Variants in HRNR observed in about 807,000 individuals in gnomAD.
HRNR encodes the protein filaggrin family member 3.
HRNR carries 7 observed loss-of-function variants against 4.8 expected under a neutral mutation model. The ratio of observed to expected loss-of-function variants is 1.47; its 90% CI spans 0.83 to 2.75. The LOEUF (loss-of-function observed/expected upper bound fraction) is 2.75. Ranked by LOEUF, HRNR falls within the 30% of genes most tolerant of loss-of-function variation. HRNR has a pLI of 0.00. For synonymous variants in HRNR, 1,023 were observed against 1,242.7 expected (o/e 0.82, Z 3.72); for missense variants, 2,879 against 3,010.4 (o/e 0.96, Z 1.02).
intron 2 of HRNR, among the ~76,000 whole-genome samples, chr1:152,222,144 A>G (rs953518002): frequency 3.9e-5 from 6 of 152,186 alleles, no homozygotes; most frequent in Admixed American, 1.3e-4. Flanking sequence ...AGAGAAGGGG[A>G]AAAGATTGTT....
rs60458005 is a variant in HRNR at position 152,219,829 on chromosome 1, G to T, written c.1800C>A (p.His600Gln). Residue 600 changes from histidine (H) to glutamine (Q), a missense_variant, in exon 3 of 3, where the codon CAC (histidine) becomes CAA (glutamine). His to Gln is a conservative substitution (Grantham distance 24). Around this residue, in one of 8 missense-constraint regions of HRNR, gnomAD observed 2,646 missense variants for 1,377.7 expected, o/e 1.92. Coordinates refer to ENST00000368801, the MANE Select transcript of HRNR (RefSeq NM_001009931.3). ...RSGQSSGYGQ[H>Q]GSSSGHSSTH... ...TAGAGGAATGACCCGAGCTAGATCC[G>T]TGTTGACCGTAGCCAGAGGACTGTC... is the stretch of plus-strand genomic sequence containing the variant. 1.4e-5 allele frequency: 22 copies of T among 1,611,728 alleles called. No individual in the cohort carries two copies. Among genetic ancestry groups the T allele is most frequent in the East Asian group, 2.2e-5 (1 of 44,702 alleles).
chr1:152,212,145 C>G lies in HRNR; in HGVS notation c.*931G>C, dbSNP rs1648407048. On this transcript the variant is annotated 3_prime_UTR_variant, in exon 3 of 3. Coordinates refer to ENST00000368801, the MANE Select transcript of HRNR (RefSeq NM_001009931.3). The stretch of plus-strand genomic sequence containing the variant: ...GTTGTTTGAATCCAAAGACTTGAAA[C>G]AAATGTGTTACAGTCAAATTAAGGA... 1 of 152,144 alleles carries G rather than the reference C, an allele frequency of 6.6e-6. No homozygotes were observed. The highest frequency in any genetic ancestry group is 6.5e-5 in the Admixed American group (1 of 15,276). The allele number at this position is 152,144 out of a possible 1,614,324, so 9.4% of individuals were successfully genotyped here. A position where few individuals can be genotyped will look rare whatever the true frequency, so the allele number is the denominator to read the frequency against.
At position 152,218,911 on chromosome 1, in the gene HRNR, A is replaced by G. The variant is rs144929567; in HGVS notation, c.2718T>C (p.Tyr906=). 2.4e-3 allele frequency: 3,810 copies of G among 1,611,706 alleles called. 81 individuals are homozygous for G. The African/African-American group carries it at 0.036, about 15-fold the overall frequency. The change falls in exon 3 of 3, where the codon TAT becomes TAC. Residue 906 remains tyrosine, a synonymous_variant. Transcript: ENST00000368801. The stretch of plus-strand genomic sequence containing the variant: ...GACCGGAGCCAGACCCATGTCGGCC[A>G]TAGCTGGGAGACTGCCCTGACCCAG... ...RGSGSGQSPS[Y]GRHGSGSGRS... is the part of the protein sequence containing the mutation.
Position 152,218,150 on chromosome 1 carries a change from C to G in HRNR, c.3479G>C (p.Gly1160Ala). The G allele has an allele frequency of 3.2e-6, 3 of 946,956 alleles. No homozygotes were observed. The highest frequency in any genetic ancestry group is 3.2e-6 in the Non-Finnish European group (2 of 629,370). The allele number at this position is 946,956 out of a possible 1,614,324, so 58.7% of individuals were successfully genotyped here. A position where few individuals can be genotyped will look rare whatever the true frequency, so the allele number is the denominator to read the frequency against. Reference protein sequence around the residue: ...RSSSSGQHGSGLGESSGFGHH... With the variant: ...RSSSSGQHGSALGESSGFGHH... ...ACCAAAGCCAGAAGACTCGCCTAAGCCAGACCCATGTTGGCCACTGCTGGA... is the reference window on the plus strand; with the variant it reads ...ACCAAAGCCAGAAGACTCGCCTAAGGCAGACCCATGTTGGCCACTGCTGGA... The change falls in exon 3 of 3, where the codon GGC (glycine) becomes GCC (alanine). Residue 1160 changes from glycine to alanine, a missense_variant. Transcript: ENST00000368801.
chr1:152,213,088 G>T lies in HRNR; in HGVS notation c.8541C>A (p.Tyr2847Ter). The T allele has an allele frequency of 6.2e-7, 1 of 1,612,518 alleles. No individual in the cohort carries two copies. Among genetic ancestry groups the T allele is most frequent in the South Asian group, 1.1e-5 (1 of 90,870 alleles). The change falls in exon 3 of 3, where the codon TAC becomes TAA. Residue 2847 changes from tyrosine to a stop codon, truncating the protein, a stop_gained. Transcript: ENST00000368801. LOFTEE classifies it high-confidence loss of function. ...TTATGTTTATTATTCACTGATAAAA[G>T]TAGCACCTCTGCTCTTGGACATATT... Reference protein sequence around the residue: ...PYEYVQEQRCYFYQ With the variant: ...PYEYVQEQRC
Position 152,218,463 on chromosome 1 carries a change from G to C in HRNR, c.3166C>G (p.Arg1056Gly), listed in dbSNP as rs754017592. ...CCGTAGCCAGAGGACTGTCCTGAGC[G>C]AGACTCTCGGTGACCTAAGCCAGAA... ...HSSGLGHRESRSGQSSGYGQH... is the reference protein window; with the variant it reads ...HSSGLGHRESGSGQSSGYGQH... Residue 1056 changes from arginine to glycine, a missense_variant, in exon 3 of 3, where the codon CGC becomes GGC. Physicochemically the swap from Arg to Gly is moderately radical, Grantham distance 125. This residue lies in a region of HRNR where 2,646 missense variants were observed against 1,377.7 expected (regional missense o/e 1.92). Transcript: ENST00000368801. 6 of 1,612,884 alleles carry C rather than the reference G, an allele frequency of 3.7e-6. No homozygotes were observed. The highest frequency in any genetic ancestry group is 4.2e-6 in the Non-Finnish European group (5 of 1,179,858).
rs1648599387 is a variant in HRNR, at chr1:152,215,589, A to T, written c.6040T>A (p.Ser2014Thr). 3 of 1,571,498 alleles carry T rather than the reference A, an allele frequency of 1.9e-6. No individual in the cohort carries two copies. The African/African-American group carries it at 4.3e-5, about 23-fold the overall frequency. ...GQHGSSSGHSSTHGQHGSASG... is the reference protein window; with the variant it reads ...GQHGSSSGHSTTHGQHGSASG... Reference sequence around the variant, plus strand: ...GCAGAACCATGTTGCCCATGGGTAGAGGAATGACCTGAGCTAGATCCATGT... The same window carrying T: ...GCAGAACCATGTTGCCCATGGGTAGTGGAATGACCTGAGCTAGATCCATGT... The change falls in exon 3 of 3, where the codon TCT (serine) becomes ACT (threonine). Residue 2014 changes from serine to threonine, a missense_variant. Ser to Thr is a moderately conservative substitution (Grantham distance 58). Coordinates refer to ENST00000368801, the MANE Select transcript of HRNR (RefSeq NM_001009931.3).
rs1557845509 is a variant in HRNR, at chr1:152,220,151, T to G, written c.1478A>C (p.Gln493Pro). Residue 493 changes from glutamine to proline, a missense_variant, in exon 3 of 3, where the codon CAA becomes CCA. Coordinates refer to ENST00000368801, the MANE Select transcript of HRNR (RefSeq NM_001009931.3). ...SGSGHSSGHGQHGSRSGQSSR... is the reference protein window; with the variant it reads ...SGSGHSSGHGPHGSRSGQSSR... ...TGACTGTCCTGACCTAGAGCCGTGTTGTCCGTGGCCGGAGGAGTGACCTGA... is the reference window on the plus strand; with the variant it reads ...TGACTGTCCTGACCTAGAGCCGTGTGGTCCGTGGCCGGAGGAGTGACCTGA... 1.9e-6 allele frequency: 3 copies of G among 1,613,284 alleles called. No individual in the cohort carries two copies. The highest frequency in any genetic ancestry group is 2.5e-6 in the Non-Finnish European group (3 of 1,179,500).
Position 152,213,059 on chromosome 1 carries a change from G to T in HRNR, c.*17C>A, listed in dbSNP as rs1251262750. ...TCTTAAATTGCTACTTGAGTAAATT[G>T]CATTTATGTTTATTATTCACTGATA... On this transcript the variant is annotated 3_prime_UTR_variant, in exon 3 of 3. Transcript: ENST00000368801. 6.3e-7 allele frequency: 1 copy of T among 1,598,112 alleles called. No individual in the cohort carries two copies. Among genetic ancestry groups the T allele is most frequent in the South Asian group, 1.1e-5 (1 of 88,662 alleles).
rs774876762 is a variant in HRNR at position 152,220,327 on chromosome 1, C to T, written c.1302G>A (p.Gly434=). The part of the protein sequence containing the change: ...PGHGQRGSGS[G]QSPSSGQHGT... ...CATGTTGGCCGGAGCTGGGAGACTG[C>T]CCTGACCCAGACCCACGCTGGCCGT... Residue 434 remains glycine, a synonymous_variant, in exon 3 of 3, where the codon GGG becomes GGA. Coordinates refer to ENST00000368801, the MANE Select transcript of HRNR (RefSeq NM_001009931.3). 1.2e-6 allele frequency: 2 copies of T among 1,613,538 alleles called. No homozygotes were observed. The highest frequency in any genetic ancestry group is 1.7e-6 in the Non-Finnish European group (2 of 1,179,720).
chr1:152,213,245 G>T lies in HRNR; in HGVS notation c.8384C>A (p.Ser2795Tyr). Residue 2795 changes from serine (S) to tyrosine (Y), a missense_variant, in exon 3 of 3, where the codon TCC (serine) becomes TAC (tyrosine). Ser to Tyr is a moderately radical substitution (Grantham distance 144). This residue lies in a region of HRNR where 158 missense variants were observed against 107.6 expected (regional missense o/e 1.47). Transcript: ENST00000368801. ...YGQHGSGSGQSSGYSQHGSGS... is the reference protein window; with the variant it reads ...YGQHGSGSGQYSGYSQHGSGS... ...ACTTCCATGCTGACTATAACCAGAG[G>T]ACTGTCCTGAGCCAGACCCATGTTG... is the stretch of plus-strand genomic sequence containing the variant. The T allele has an allele frequency of 6.2e-7, 1 of 1,612,544 alleles. No individual in the cohort carries two copies. Among genetic ancestry groups the T allele is most frequent in the Non-Finnish European group, 8.5e-7 (1 of 1,179,294 alleles).
Position 152,221,080 on chromosome 1 carries a change from G to C in HRNR, c.549C>G (p.Asn183Lys). 2.5e-6 allele frequency: 4 copies of C among 1,613,338 alleles called. No individual in the cohort carries two copies. Among genetic ancestry groups the C allele is most frequent in the Non-Finnish European group, 3.4e-6 (4 of 1,179,474 alleles). Residue 183 changes from asparagine to lysine, a missense_variant, in exon 3 of 3, where the codon AAC becomes AAG. Transcript: ENST00000368801. ...SGQSSSYGEQNSDSHQSSGRG... is the reference protein window; with the variant it reads ...SGQSSSYGEQKSDSHQSSGRG... ...GGCCTGAAGACTGATGGGAGTCGGA[G>C]TTTTGCTCACCATAGCTGGAAGACT...
rs768099535 is a variant in HRNR, at chr1:152,219,803, G to A, written c.1826C>T (p.Thr609Ile). The change falls in exon 3 of 3, where the codon ACC becomes ATC. Residue 609 changes from threonine to isoleucine, a missense_variant. Transcript: ENST00000368801. ...QHGSSSGHSS[T>I]HGQHGSTSGQ... is the part of the protein sequence containing the mutation. ...TGATGTAGAACCATGTTGCCCATGG[G>A]TAGAGGAATGACCCGAGCTAGATCC... 1 of 1,612,014 alleles carries A rather than the reference G, an allele frequency of 6.2e-7. No homozygotes were observed. Among genetic ancestry groups the A allele is most frequent in the South Asian group, 1.1e-5 (1 of 91,024 alleles).
At position 152,221,018 on chromosome 1, in the gene HRNR, T is replaced by C. The variant is rs368494975; in HGVS notation, c.611A>G (p.Asn204Ser). Reference protein sequence around the residue: ...QCGSGSGQSPNYGQHGSGSGQ... With the variant: ...QCGSGSGQSPSYGQHGSGSGQ... The stretch of plus-strand genomic sequence containing the variant: ...GGAGCCAGAGCCGTGTTGGCCATAG[T>C]TGGGAGACTGCCCTGACCCAGACCC... Residue 204 changes from asparagine (N) to serine (S), a missense_variant, in exon 3 of 3, where the codon AAC becomes AGC. Transcript: ENST00000368801. 4.3e-6 allele frequency: 7 copies of C among 1,613,674 alleles called. No individual in the cohort carries two copies. The highest frequency in any genetic ancestry group is 2.7e-5 in the African/African-American group (2 of 74,780).
At chr1:152,223,016 A>G (rs1649050219) in intron 2 of HRNR, 100 bp downstream of exon 2, 5 of 1,235,624 alleles carry the variant, frequency 4.0e-6, no homozygotes, top group Admixed American at 2.0e-5. Flanking sequence ...CTCACCAAGT[A>G]AGGACAATCC....
chr1:152,223,156 A>C lies in HRNR; in HGVS notation c.98T>G (p.Leu33Arg). Residue 33 changes from leucine to arginine, a missense_variant, in exon 2 of 3, where the codon CTG becomes CGG. By Grantham distance (102) the Leu-to-Arg change is moderately radical (BLOSUM62 -2). Coordinates refer to ENST00000368801, the MANE Select transcript of HRNR (RefSeq NM_001009931.3). ...AAACTCATTTTCCAGAAGTTCTTTC[A>C]GCTCTGCCTTGTTCAACGTATCATA... ...GEYDTLNKAE[L>R]KELLENEFHQ... is the part of the protein sequence containing the mutation. 2 of 1,613,892 alleles carry C rather than the reference A, an allele frequency of 1.2e-6. No individual in the cohort carries two copies. Among genetic ancestry groups the C allele is most frequent in the East Asian group, 2.2e-5 (1 of 44,870 alleles).
Position 152,220,952 on chromosome 1 carries a change from C to G in HRNR, c.677G>C (p.Gly226Ala). ...GTGTTGACTAAAGCCAGAAGACTGG[C>G]CTGAGCCAGACCCATGTGTGTCATT... ...SSNDTHGSGS[G>A]QSSGFSQHKS... Residue 226 changes from glycine (G) to alanine (A), a missense_variant, in exon 3 of 3, where the codon GGC becomes GCC. By Grantham distance (60) the Gly-to-Ala change is moderately conservative. Around this residue, in one of 8 missense-constraint regions of HRNR, gnomAD observed 2,646 missense variants for 1,377.7 expected, o/e 1.92. Coordinates refer to ENST00000368801, the MANE Select transcript of HRNR (RefSeq NM_001009931.3). 1 of 1,612,462 alleles carries G rather than the reference C, an allele frequency of 6.2e-7. No individual in the cohort carries two copies. Among genetic ancestry groups the G allele is most frequent in the South Asian group, 1.1e-5 (1 of 91,082 alleles).
chr1:152,223,308 C>T, intron 1 of HRNR, 30 bp from the exon 2 acceptor site: 3 of 1,331,626 alleles, frequency 2.3e-6, no homozygotes, highest in East Asian at 2.3e-5. Context: ...AGACCAACCC[C>T]TTACTATTCT....
intron 2 of HRNR, 76 bp downstream of exon 2, chr1:152,223,040 A>G: frequency 7.0e-7 from 1 of 1,420,006 alleles, no homozygotes; most frequent in African/African-American, 1.4e-5. Context: ...AGGATGTTTG[A>G]CATATGTGAC....
Sources: allele counts gnomAD v4.1 joint callset (sites outside exome capture counted in the v4.1 genomes callset), GRCh38; gene constraint gnomAD v4.1.1; regional missense constraint gnomAD v4.1.1; transcripts MANE v1.5; gene names NCBI Gene and HGNC (gene_info 2026-07-23, HGNC 2026-07-21).